F8: variants seen among roughly 807,000 people sequenced by gnomAD.
F8 encodes the protein antihemophilic factor.
A neutral mutation model predicts 140.6 loss-of-function variants in F8; 12 were observed. The observed-to-expected ratio is 0.09, with a 90% CI of 0.05 to 0.14. F8 has a LOEUF of 0.14. Ranked by LOEUF, F8 falls within the 10% of genes least tolerant of loss-of-function variation. F8 has a pLI of 1.00. For missense variants in F8, 1,354 were observed against 1,720.7 expected, an observed-to-expected ratio of 0.79 and a Z score of 3.77; for synonymous variants, 585 against 614.6, an observed-to-expected ratio of 0.95 and a Z score of 0.71.
At position 154,985,751 on chromosome X, in the gene F8, G is replaced by C. The variant is rs186321788; in HGVS notation, c.671-948C>G. 4.4e-3 allele frequency among the ~76,000 whole-genome samples: 497 copies of C among 112,265 alleles called. 6 individuals are homozygous for C. In the Middle Eastern group the frequency reaches 0.046, roughly 10 times the overall value. On this transcript the variant is annotated intron_variant, in intron 5 of 25. Transcript: ENST00000360256. ...TAATTGTAGACACTGATGATAGAGA[G>C]GAAGATACAGCCTCTGCTTTCAAGA...
At chrX:154,951,045 G>A (rs961082209) in intron 12 of F8, among the ~76,000 whole-genome samples, 3 of 111,789 alleles carry the variant, frequency 2.7e-5, no homozygotes, top group Non-Finnish European at 5.7e-5. Flanking sequence ...CTTCCATTTT[G>A]TCTCACTCTT....
intron 6 of F8, among the ~76,000 whole-genome samples, chrX:154,977,628 C>CAGTT (rs1159194391): frequency 6.2e-4 from 66 of 106,201 alleles, no homozygotes; most frequent in African/African-American, 2.3e-3. Context: ...GAGAAATTCA[C>CAGTT]AGTTAGTCTG....
At chrX:154,853,927 A>G (rs1432285864) in intron 25 of F8, among the ~76,000 whole-genome samples, 2 of 111,890 alleles carry the variant, frequency 1.8e-5, no homozygotes, top group African/African-American at 6.5e-5. Flanking sequence ...TACAATATAC[A>G]TAAAATTTAC....
chrX:154,982,952 G>C (rs1177950031), intron 6 of F8, among the ~76,000 whole-genome samples: 1 of 112,397 alleles, frequency 8.9e-6, no homozygotes, highest in Non-Finnish European at 1.9e-5. Context: ...TGTTGTTTAT[G>C]TTATTGATAA....
intron 13 of F8, among the ~76,000 whole-genome samples, chrX:154,944,570 T>G (rs1557280138): frequency 2.7e-5 from 3 of 111,032 alleles, no homozygotes; most frequent in Non-Finnish European, 5.7e-5. Context: ...ACAATGTTGG[T>G]GGGACTGTAA....
At chrX:154,994,568 T>C (rs1245900181) in intron 3 of F8, among the ~76,000 whole-genome samples, 1 of 112,246 alleles carries the variant, frequency 8.9e-6, no homozygotes, top group Non-Finnish European at 1.9e-5. Context: ...CTTGTAGTCC[T>C]GTAGAATATC....
intron 6 of F8, among the ~76,000 whole-genome samples, chrX:154,979,924 C>T (rs781976062): frequency 2.7e-5 from 3 of 111,597 alleles, no homozygotes; most frequent in South Asian, 3.8e-4. Flanking sequence ...AGGAATAAGG[C>T]GCTCTCCTGT....
chrX:155,010,704 A>C (rs782507245), intron 1 of F8, among the ~76,000 whole-genome samples: 2 of 110,462 alleles, frequency 1.8e-5, no homozygotes, highest in Non-Finnish European at 3.8e-5. Context: ...TAATATACAC[A>C]GTGTATTAAG....
chrX:154,856,294 G>A (rs2072650639), intron 25 of F8, among the ~76,000 whole-genome samples: 1 of 112,585 alleles, frequency 8.9e-6, no homozygotes, highest in Non-Finnish European at 1.9e-5. Context: ...ACTCTTCTCT[G>A]TAGGTGACAC....
chrX:154,953,420 C>T (rs1311467265), intron 12 of F8, among the ~76,000 whole-genome samples: 1 of 111,772 alleles, frequency 8.9e-6, no homozygotes, highest in African/African-American at 3.3e-5. Flanking sequence ...GGAGAGAAGC[C>T]TCAGAAGAAA....
At chrX:154,860,826 G>A (rs1254262339) in intron 24 of F8, among the ~76,000 whole-genome samples, 1 of 111,117 alleles carries the variant, frequency 9.0e-6, no homozygotes, top group Non-Finnish European at 1.9e-5. Flanking sequence ...AGCTTCCCGA[G>A]TAGCTGTGGT....
chrX:154,929,794 T>G lies in F8; in HGVS notation c.3996A>C (p.Arg1332Ser). Residue 1332 changes from arginine to serine, a missense_variant, in exon 14 of 26, where the codon AGA becomes AGC. By Grantham distance (110) the Arg-to-Ser change is moderately radical. Transcript: ENST00000360256. ...QQNFVTQRSK[R>S]ALKQFRLPLE... is the part of the protein sequence containing the mutation. Reference sequence around the variant, plus strand: ...GTGGGAGTCTGAATTGTTTCAAAGCTCTCTTACTACGTTGCGTGACAAAAT... The same window carrying G: ...GTGGGAGTCTGAATTGTTTCAAAGCGCTCTTACTACGTTGCGTGACAAAAT... 1 of 1,211,811 alleles carries G rather than the reference T, an allele frequency of 8.3e-7. No individual in the cohort carries two copies.
rs1437778078 is a variant in F8 at position 154,944,836 on chromosome X, C to T, written c.2113+2862G>A. Among the ~76,000 whole-genome samples, 160 of 111,122 alleles carry T rather than the reference C, an allele frequency of 1.4e-3. 1 individual carries two copies. Among genetic ancestry groups the T allele is most frequent in the African/African-American group, 4.6e-3 (142 of 30,584 alleles). ...ACATATACACCATGGAATACTATGCCGCCATAAAAATGATGAGTTCATGTC... is the reference window on the plus strand; with the variant it reads ...ACATATACACCATGGAATACTATGCTGCCATAAAAATGATGAGTTCATGTC... On this transcript the variant is annotated intron_variant, in intron 13 of 25. Transcript: ENST00000360256.
chrX:154,908,984 A>G, intron 14 of F8: 1 of 158,055 alleles, frequency 6.3e-6, no homozygotes, highest in Non-Finnish European at 1.2e-5. Flanking sequence ...AGAGGTGGAG[A>G]GCCAGCACTG....
intron 6 of F8, among the ~76,000 whole-genome samples, chrX:154,970,871 A>T (rs2073453334): frequency 8.9e-6 from 1 of 111,864 alleles, no homozygotes. Context: ...ATGTATTATT[A>T]TGCTTATTTG....
At chrX:154,954,122 C>T (rs782244910) in intron 11 of F8, 80 bp from the exon 12 acceptor site, 38 of 965,942 alleles carry the variant, frequency 3.9e-5, no homozygotes, top group African/African-American at 5.7e-5. Flanking sequence ...ATGATGAAAG[C>T]GATGGCATGC....
At chrX:154,915,014 T>A (rs2073088399) in intron 14 of F8, among the ~76,000 whole-genome samples, 1 of 111,969 alleles carries the variant, frequency 8.9e-6, no homozygotes, top group African/African-American at 3.3e-5. Flanking sequence ...TGACTCACAG[T>A]TCCGCATTGC....
Position 154,876,780 on chromosome X carries a change from C to T in F8, c.6430-13553G>A, listed in dbSNP as rs962357227. 3.6e-5 allele frequency among the ~76,000 whole-genome samples: 4 copies of T among 110,997 alleles called. No individual in the cohort carries two copies. In the Admixed American group the frequency reaches 3.8e-4, roughly 11 times the overall value. On this transcript the variant is annotated intron_variant, in intron 22 of 25. Coordinates refer to ENST00000360256, the MANE Select transcript of F8 (RefSeq NM_000132.4). ...TCTCTGGGGTGGGATGGTGCAAAAT[C>T]ATTTGTAGAAAGCTACCTGTTTCGT...
intron 1 of F8, among the ~76,000 whole-genome samples, chrX:155,015,387 G>T (rs1165507708): frequency 9.0e-6 from 1 of 111,659 alleles, no homozygotes; most frequent in East Asian, 2.8e-4. Context: ...CTATTTGAAA[G>T]ACACCATTTG....
Sources: allele counts gnomAD v4.1 joint callset (sites outside exome capture counted in the v4.1 genomes callset), GRCh38; gene constraint gnomAD v4.1.1; transcripts MANE v1.5; gene names NCBI Gene and HGNC (gene_info 2026-07-23, HGNC 2026-07-21).